GOLGA3: variants seen among roughly 807,000 people sequenced by gnomAD.
The protein encoded by GOLGA3 is golgin A3, also known as golgin subfamily A member 3.
A neutral mutation model predicts 169.4 loss-of-function variants in GOLGA3; 75 were observed. The ratio of observed to expected loss-of-function variants is 0.44; its 90% CI spans 0.37 to 0.54. The LOEUF (loss-of-function observed/expected upper bound fraction) is 0.54. GOLGA3 is among the 20% of genes least tolerant of loss of function. GOLGA3 has a pLI of 0.00. For missense variants in GOLGA3, 1,899 were observed against 1,930.0 expected (o/e 0.98, Z 0.30); for synonymous variants, 824 against 822.4 (o/e 1.00, Z -0.03).
chr12:132,777,086 G>A lies in GOLGA3; in HGVS notation c.3727C>T (p.Arg1243Trp), dbSNP rs749685372. ...ATCTCCTGGGAATGTTTCCCCTCCCGAATCCTAGCGTAAAAAAACAAGAAA... is the reference window on the plus strand; with the variant it reads ...ATCTCCTGGGAATGTTTCCCCTCCCAAATCCTAGCGTAAAAAAACAAGAAA... ...LQAEADDLQI[R>W]EGKHSQEIAQ... is the part of the protein sequence containing the mutation. The change falls in exon 20 of 24, where the codon CGG becomes TGG. Residue 1243 changes from arginine to tryptophan, a missense_variant. Arg to Trp is a moderately radical substitution (Grantham distance 101, BLOSUM62 -3). Transcript: ENST00000450791. The surrounding 1 kb of genome is among the most constrained non-coding windows in gnomAD (Gnocchi z 4.7). The A allele has an allele frequency of 1.5e-5, 24 of 1,583,250 alleles. No individual in the cohort carries two copies. The highest frequency in any genetic ancestry group is 3.8e-5 in the Admixed American group (2 of 52,758).
chr12:132,816,509 G>C, intron 3 of GOLGA3, 31 bp downstream of exon 3: 2 of 1,603,944 alleles, frequency 1.2e-6, no homozygotes. Context: ...CGGACGTGGA[G>C]GGTGGGAAAA....
intron 3 of GOLGA3, 50 bp from the exon 4 acceptor site, chr12:132,813,469 G>T: frequency 1.0e-6 from 1 of 993,090 alleles, no homozygotes; most frequent in Non-Finnish European, 1.6e-6. Context: ...CCAGGATGCA[G>T]AACAATCAGG....
chr12:132,794,496 TC>T (rs1281643270), intron 11 of GOLGA3, among the ~76,000 whole-genome samples: 1 of 152,144 alleles, frequency 6.6e-6, no homozygotes, highest in African/African-American at 2.4e-5. Flanking sequence ...GAAGGCAGCT[TC>T]CAAGACAAGG....
At chr12:132,799,624 C>T (rs995205866) in intron 8 of GOLGA3, among the ~76,000 whole-genome samples, 1 of 152,162 alleles carries the variant, frequency 6.6e-6, no homozygotes, top group Non-Finnish European at 1.5e-5. Flanking sequence ...GCCTGGGTGA[C>T]AGGGCAAGAC....
rs1408431561 is a variant in GOLGA3, at chr12:132,811,238, G to C, written c.519+2069C>G. ...CAGCTGTCTTTTATCTCTTTGTCTT[G>C]TGTCTTTATTTCTACACTCTCTCGT... On this transcript the variant is annotated intron_variant, in intron 4 of 23. Transcript: ENST00000450791. 2.6e-5 allele frequency among the ~76,000 whole-genome samples: 4 copies of C among 152,156 alleles called. No homozygotes were observed. In the East Asian group the frequency reaches 7.7e-4, roughly 29 times the overall value.
rs1051380492 is a variant in GOLGA3 at position 132,803,010 on chromosome 12, G to A, written c.1598-1041C>T. On this transcript the variant is annotated intron_variant, in intron 7 of 23. Transcript: ENST00000450791. ...GCAGAGGTTGCGGTGAGCCAAGATG[G>A]CGCCATTGCACTCCAGCCTGGGCAA... Among the ~76,000 whole-genome samples, 15 of 152,190 alleles carry A rather than the reference G, an allele frequency of 9.9e-5. No homozygotes were observed. In the South Asian group the frequency reaches 1.9e-3, roughly 19 times the overall value.
rs1389817721 is a variant in GOLGA3, at chr12:132,803,083, CAAAACAACAAA to C, written c.1598-1125_1598-1115del. Reference sequence around the variant, plus strand: ...AAACAAAACAAAACAACAACAACAACAAAACAACAAAAAAAAACACTAGACAGTGTTTGGGG... The same window carrying C: ...AAACAAAACAAAACAACAACAACAACAAAAAACACTAGACAGTGTTTGGGG... On this transcript the variant is annotated intron_variant, in intron 7 of 23. Transcript: ENST00000450791. Among the ~76,000 whole-genome samples the C allele has an allele frequency of 5.3e-3, 747 of 140,436 alleles. 5 individuals are homozygous for C. The highest frequency in any genetic ancestry group is 0.017 in the African/African-American group (697 of 40,468). The allele number at this position is 140,436 out of a possible 152,430, so 92.1% of individuals were successfully genotyped here. A position where few individuals can be genotyped will look rare whatever the true frequency, so the allele number is the denominator to read the frequency against.
chr12:132,783,217 C>T (rs975957500), intron 16 of GOLGA3, among the ~76,000 whole-genome samples: 7 of 152,194 alleles, frequency 4.6e-5, no homozygotes, highest in African/African-American at 1.7e-4. Context: ...GAACAATGGA[C>T]ACCACACAAC....
chr12:132,828,070 G>C (rs1342644911), intron 1 of GOLGA3, among the ~76,000 whole-genome samples: 2 of 152,074 alleles, frequency 1.3e-5, no homozygotes, highest in African/African-American at 2.4e-5. Context: ...CCGCCCTCAG[G>C]GTCTTCAAAC....
intron 22 of GOLGA3, 42 bp from the exon 23 acceptor site, chr12:132,774,362 C>T (rs2045099957): frequency 2.5e-6 from 4 of 1,603,292 alleles, no homozygotes; most frequent in South Asian, 1.1e-5. Context: ...ACCGTCCCCT[C>T]CCTCGGGTCA....
chr12:132,806,028 G>A (rs949927407), intron 6 of GOLGA3, among the ~76,000 whole-genome samples: 5 of 152,204 alleles, frequency 3.3e-5, no homozygotes, highest in Non-Finnish European at 5.9e-5. Flanking sequence ...CCCAGGAGCA[G>A]CAGAGAATCG....
intron 8 of GOLGA3, 144 bp downstream of exon 8, chr12:132,801,623 A>T: frequency 2.6e-6 from 2 of 776,466 alleles, no homozygotes; most frequent in Non-Finnish European, 4.3e-6. Context: ...CACGTCCTAC[A>T]TGGGACACGG....
In GOLGA3 at chr12:132,777,217, G is replaced by A; in HGVS notation, c.3723-127C>T. On this transcript the variant is annotated intron_variant, in intron 19 of 23. Coordinates refer to ENST00000450791, the MANE Select transcript of GOLGA3 (RefSeq NM_001389683.1). The surrounding 1 kb of genome is among the most constrained non-coding windows in gnomAD (Gnocchi z 4.7). ...GGCCCTCTGCTGTGCACTGCGTGCT[G>A]CAGCCATGCTTGGTGCCCACAGTGT... is the stretch of plus-strand genomic sequence containing the variant. 2 of 1,009,614 alleles carry A rather than the reference G, an allele frequency of 2.0e-6. No homozygotes were observed. Among genetic ancestry groups the A allele is most frequent in the East Asian group, 5.0e-5 (2 of 39,880 alleles). The allele number at this position is 1,009,614 out of a possible 1,614,324, so 62.5% of individuals were successfully genotyped here.
chr12:132,785,456 AC>A, intron 15 of GOLGA3, among the ~76,000 whole-genome samples: 1 of 152,294 alleles, frequency 6.6e-6, no homozygotes, highest in South Asian at 2.1e-4. Flanking sequence ...GTCCACAGGC[AC>A]GTGCTACCAT....
chr12:132,802,181 G>T (rs1253327208), intron 7 of GOLGA3, among the ~76,000 whole-genome samples: 1 of 152,268 alleles, frequency 6.6e-6, no homozygotes, highest in Non-Finnish European at 1.5e-5. Context: ...GCAGGGTGAG[G>T]TTCCTGCAGG....
intron 4 of GOLGA3, among the ~76,000 whole-genome samples, chr12:132,810,727 G>A (rs763590017): frequency 9.9e-5 from 15 of 152,154 alleles, no homozygotes; most frequent in Non-Finnish European, 1.9e-4. Context: ...TCTAGCGGTA[G>A]CATCAGTGTC....
At chr12:132,803,886 G>A (rs185180998) in intron 7 of GOLGA3, among the ~76,000 whole-genome samples, 53 of 152,190 alleles carry the variant, frequency 3.5e-4, no homozygotes, top group Non-Finnish European at 6.8e-4. Context: ...CTCTGGACCC[G>A]GGTCACTCTA....
At position 132,797,034 on chromosome 12, in the gene GOLGA3, G is replaced by A. The variant is rs762814201; in HGVS notation, c.1939-334C>T. 8.5e-4 allele frequency among the ~76,000 whole-genome samples: 130 copies of A among 152,368 alleles called. 1 individual carries two copies. The highest frequency in any genetic ancestry group is 3.4e-3 in the Middle Eastern group (1 of 294). On this transcript the variant is annotated intron_variant, in intron 9 of 23. Coordinates refer to ENST00000450791, the MANE Select transcript of GOLGA3 (RefSeq NM_001389683.1). ...TGCTCTCACAAGAGCGGTGCTTGGT[G>A]CTACCGGGTAAGAGACCAGAGGCCC...
intron 11 of GOLGA3, among the ~76,000 whole-genome samples, chr12:132,795,057 T>C (rs1948762860): frequency 2.0e-5 from 3 of 151,094 alleles, no homozygotes; most frequent in Admixed American, 2.0e-4. Flanking sequence ...TGTGGTGGCA[T>C]GCACCTGTAG....
Sources: allele counts gnomAD v4.1 joint callset (sites outside exome capture counted in the v4.1 genomes callset), GRCh38; gene constraint gnomAD v4.1.1; non-coding constraint Gnocchi (gnomAD v3.1); transcripts MANE v1.5; gene names NCBI Gene and HGNC (gene_info 2026-07-23, HGNC 2026-07-21).